The following CDH13 variants were observed in gnomAD, a reference collection of about 807,000 sequenced individuals.
CDH13 encodes cadherin 13, also known as cadherin-13.
Under a neutral mutation model 63.8 loss-of-function variants are expected in CDH13, and 24 were observed. That is an observed-to-expected ratio of 0.38 (90% CI 0.27 to 0.53). The LOEUF is 0.53. Among genes scored for constraint, CDH13 ranks in the 20% least tolerant of loss-of-function variants. CDH13 has a pLI of 0.85. For synonymous variants in CDH13, 503 were observed against 355.3 expected, an observed-to-expected ratio of 1.42 and a Z score of -4.67; for missense variants, 1,049 against 903.1, an observed-to-expected ratio of 1.16 and a Z score of -2.07.
intron 5 of CDH13, among the ~76,000 whole-genome samples, chr16:83,313,007 G>C (rs1035317604): frequency 1.3e-5 from 2 of 152,224 alleles, no homozygotes; most frequent in Non-Finnish European, 2.9e-5. Flanking sequence ...CACATGAGAT[G>C]CAGCTTCTAC....
chr16:83,724,782 C>T (rs571977934), intron 10 of CDH13, among the ~76,000 whole-genome samples: 1 of 152,322 alleles, frequency 6.6e-6, no homozygotes, highest in East Asian at 1.9e-4. Context: ...GAAGTGTCAG[C>T]AGGGACACAA....
intron 9 of CDH13, among the ~76,000 whole-genome samples, chr16:83,671,457 C>A (rs1914493633): frequency 6.6e-6 from 1 of 152,132 alleles, no homozygotes; most frequent in South Asian, 2.1e-4. Flanking sequence ...CCATGTTGCC[C>A]AGGCTTGTCT....
At chr16:82,734,285 G>T (rs1287188357) in intron 1 of CDH13, among the ~76,000 whole-genome samples, 2 of 152,158 alleles carry the variant, frequency 1.3e-5, no homozygotes, top group Admixed American at 6.5e-5. Flanking sequence ...CAATCCTGTG[G>T]CCCAGAAAAA....
chr16:83,735,128 C>T (rs1341351171), intron 10 of CDH13: 1 of 152,148 alleles, frequency 6.6e-6, no homozygotes, highest in Non-Finnish European at 1.5e-5. Context: ...ACAGTGAACA[C>T]AGATGAACCA....
intron 1 of CDH13, among the ~76,000 whole-genome samples, chr16:82,850,612 T>C (rs1401861141): frequency 6.6e-6 from 1 of 152,236 alleles, no homozygotes; most frequent in African/African-American, 2.4e-5. Flanking sequence ...AAAGTTCTCC[T>C]GTGGGTTAGA....
At chr16:82,666,805 T>C (rs1268091853) in intron 1 of CDH13, among the ~76,000 whole-genome samples, 2 of 152,186 alleles carry the variant, frequency 1.3e-5, no homozygotes, top group Non-Finnish European at 2.9e-5. Flanking sequence ...AATTTAAAAG[T>C]AGAACATTTA....
chr16:83,076,603 A>G (rs1050963806), intron 3 of CDH13, among the ~76,000 whole-genome samples: 2 of 152,098 alleles, frequency 1.3e-5, no homozygotes, highest in Admixed American at 6.6e-5. Context: ...TGACATTTCC[A>G]TATACTTGCT....
intron 3 of CDH13, among the ~76,000 whole-genome samples, chr16:83,070,384 A>C (rs2032343040): frequency 6.6e-6 from 1 of 152,210 alleles, no homozygotes; most frequent in Admixed American, 6.5e-5. Context: ...TGATAACAAA[A>C]ATTGGAACTT....
chr16:82,684,571 C>A (rs1313884399), intron 1 of CDH13, among the ~76,000 whole-genome samples: 1 of 152,034 alleles, frequency 6.6e-6, no homozygotes, highest in Non-Finnish European at 1.5e-5. Context: ...AAGTCAGGAT[C>A]TGGGGAGCTA....
intron 2 of CDH13, among the ~76,000 whole-genome samples, chr16:82,983,619 G>C (rs1002315702): frequency 6.6e-5 from 10 of 152,162 alleles, no homozygotes; most frequent in African/African-American, 2.4e-4. Context: ...TGTGAGACAG[G>C]GCTGCTGTGA....
intron 3 of CDH13, among the ~76,000 whole-genome samples, chr16:83,032,581 G>A (rs138863633): frequency 6.6e-6 from 1 of 152,018 alleles, no homozygotes; most frequent in Admixed American, 6.6e-5. Flanking sequence ...CAAGGTGGAG[G>A]TCTCAGCAAC....
intron 7 of CDH13, among the ~76,000 whole-genome samples, chr16:83,513,427 G>C (rs1010151499): frequency 2.0e-5 from 3 of 152,148 alleles, no homozygotes; most frequent in Non-Finnish European, 2.9e-5. Context: ...CCTGTAGTTA[G>C]CATATTAGTT....
At chr16:83,261,639 C>G (rs960599074) in intron 5 of CDH13, among the ~76,000 whole-genome samples, 1 of 151,922 alleles carries the variant, frequency 6.6e-6, no homozygotes, top group African/African-American at 2.4e-5. Flanking sequence ...ACAAATGTCA[C>G]TAGTGCCAAA....
chr16:83,464,190 T>G (rs35580676), intron 6 of CDH13, among the ~76,000 whole-genome samples: 77,325 of 151,790 alleles, frequency 0.51, 20,021 homozygotes, highest in Middle Eastern at 0.61. Flanking sequence ...CTCTTGAGTA[T>G]CTGGGATTAC....
chr16:83,040,877 G>C (rs909360171), intron 3 of CDH13, among the ~76,000 whole-genome samples: 1 of 152,138 alleles, frequency 6.6e-6, no homozygotes, highest in African/African-American at 2.4e-5. Flanking sequence ...GCTAATGAAC[G>C]AGGCAAACTG....
At chr16:83,513,349 G>A (rs1016376417) in intron 7 of CDH13, among the ~76,000 whole-genome samples, 2 of 152,058 alleles carry the variant, frequency 1.3e-5, no homozygotes, top group African/African-American at 2.4e-5. Context: ...ATATTAGAAC[G>A]TCCTTAGATC....
At chr16:83,249,554 C>G (rs532253480) in intron 5 of CDH13, among the ~76,000 whole-genome samples, 1 of 152,260 alleles carries the variant, frequency 6.6e-6, no homozygotes, top group South Asian at 2.1e-4. Flanking sequence ...AGAAAGGTGC[C>G]ATCATTCTAT....
intron 1 of CDH13, among the ~76,000 whole-genome samples, chr16:82,654,158 T>C (rs141245648): frequency 6.6e-6 from 1 of 152,138 alleles, no homozygotes; most frequent in Non-Finnish European, 1.5e-5. Flanking sequence ...TCCTGAGAGA[T>C]AGAGAAAGGA....
intron 6 of CDH13, among the ~76,000 whole-genome samples, chr16:83,348,265 CTT>C (rs1231072897): frequency 1.3e-5 from 2 of 152,174 alleles, no homozygotes; most frequent in Non-Finnish European, 1.5e-5. Context: ...ACCACAGACT[CTT>C]TGCAGGCCCA....
Sources: allele counts gnomAD v4.1 joint callset (sites outside exome capture counted in the v4.1 genomes callset), GRCh38; gene constraint gnomAD v4.1.1; transcripts MANE v1.5; gene names NCBI Gene and HGNC (gene_info 2026-07-23, HGNC 2026-07-21).